The following ZNHIT3 variants were observed in gnomAD, a reference collection of about 807,000 sequenced individuals.
ZNHIT3 encodes the protein zinc finger HIT-type containing 3.
A neutral mutation model predicts 19.9 loss-of-function variants in ZNHIT3; 27 were observed. That is an observed-to-expected ratio of 1.36 (90% CI 1.00 to 1.87). The LOEUF (loss-of-function observed/expected upper bound fraction) is 1.87, where lower values mean the gene tolerates loss of function less well. Among genes scored for constraint, ZNHIT3 ranks in the 40% most tolerant of loss-of-function variants. The pLI is 0.00. For synonymous variants in ZNHIT3, 81 were observed against 65.7 expected (o/e 1.23, Z -1.13); for missense variants, 215 against 185.6 (o/e 1.16, Z -0.92).
intron 3 of ZNHIT3, 53 bp downstream of exon 3, chr17:36,492,952 C>CGAAAG (rs3830269): frequency 0.14 from 218,375 of 1,552,730 alleles, 18,398 homozygotes; most frequent in African/African-American, 0.33. Flanking sequence ...TAGAATAAGT[C>CGAAAG]GAAGGAAAAG....
downstream of ZNHIT3, chr17:36,497,485 C>CTA (rs1320188524): frequency 1.3e-5 from 12 of 959,502 alleles, no homozygotes; most frequent in African/African-American, 1.8e-5. Flanking sequence ...TGATGTGGGA[C>CTA]TAATTAGATT....
In ZNHIT3 at chr17:36,486,714, ATGTAGC is replaced by A; in HGVS notation, c.16_21del (p.Cys6_Ser7del). 6.2e-7 allele frequency: 1 copy of A among 1,613,848 alleles called. No homozygotes were observed. Among genetic ancestry groups the A allele is most frequent in the Non-Finnish European group, 8.5e-7 (1 of 1,179,910 alleles). On this transcript the variant is annotated inframe_deletion, in exon 1 of 5. Transcript: ENST00000617429. The stretch of plus-strand genomic sequence containing the variant: ...TCCACAAAACCATGGCGTCGCTCAA[ATGTAGC>A]ACCGTCGTCTGCGTGATCTGCTTGG...
intron 2 of ZNHIT3, 94 bp downstream of exon 2, chr17:36,487,060 C>T (rs2070579781): frequency 1.3e-6 from 2 of 1,518,948 alleles, no homozygotes; most frequent in Non-Finnish European, 1.8e-6. Context: ...TTGGGCTGCG[C>T]TTCCTTTCCC....
At chr17:36,496,483 G>T, downstream of ZNHIT3, 3 of 1,414,818 alleles carry the variant, frequency 2.1e-6, no homozygotes, top group Non-Finnish European at 2.9e-6. Context: ...CAGAGCAGAC[G>T]CTAAAAATGC....
At chr17:36,490,689 A>G (rs924915112) in intron 2 of ZNHIT3, 13 of 152,186 alleles carry the variant, frequency 8.5e-5, no homozygotes, top group African/African-American at 2.9e-4. Flanking sequence ...GGTCATTTTA[A>G]TATTTATTTT....
chr17:36,499,153 A>G (rs768676346), downstream of ZNHIT3: 49 of 1,604,348 alleles, frequency 3.1e-5, no homozygotes, highest in Non-Finnish European at 4.1e-5. Flanking sequence ...TTAACCAGGA[A>G]CGAATGGCTA....
In ZNHIT3 at chr17:36,486,981, C is replaced by T; in HGVS notation, c.118+15C>T. On this transcript the variant is annotated intron_variant, in intron 2 of 4. Coordinates refer to ENST00000617429, the MANE Select transcript of ZNHIT3 (RefSeq NM_004773.4). ...GAAGCACAAAGGTGAGCCCCGTCCCCGCCAGCCCTCGTACCACTGCGCACG... is the reference window on the plus strand; with the variant it reads ...GAAGCACAAAGGTGAGCCCCGTCCCTGCCAGCCCTCGTACCACTGCGCACG... The T allele has an allele frequency of 6.2e-7, 1 of 1,610,834 alleles. No homozygotes were observed. Among genetic ancestry groups the T allele is most frequent in the African/African-American group, 1.3e-5 (1 of 74,776 alleles).
At chr17:36,494,030 A>G (rs765275706) in intron 4 of ZNHIT3, 24 bp downstream of exon 4, 32 of 1,538,056 alleles carry the variant, frequency 2.1e-5, no homozygotes, top group East Asian at 1.1e-4. Flanking sequence ...ATGCTTGTCA[A>G]TCGTTGAGAT....
At chr17:36,498,265 C>T (rs778224764), downstream of ZNHIT3, 3 of 1,609,672 alleles carry the variant, frequency 1.9e-6, no homozygotes, top group South Asian at 3.3e-5. Context: ...ACACAACGTA[C>T]CTGAGGCAGC....
rs774347647 is a variant in ZNHIT3 at position 36,494,004 on chromosome 17, T to C, written c.284T>C (p.Leu95Ser). 2.5e-6 allele frequency: 4 copies of C among 1,609,356 alleles called. No individual in the cohort carries two copies. The highest frequency in any genetic ancestry group is 3.4e-6 in the Non-Finnish European group (4 of 1,175,834). Reference protein sequence around the residue: ...DRVSLQNLKNLGESATLRSLL... With the variant: ...DRVSLQNLKNSGESATLRSLL... ...GTTTCTTTGCAGAATTTAAAGAATT[T>C]AGGTAAGTCTGTGCTATGCTTGTCA... The change falls in exon 4 of 5, where the codon TTA becomes TCA. Residue 95 changes from leucine (L) to serine (S), a missense_variant and splice_region_variant. Physicochemically the swap from Leu to Ser is moderately radical, Grantham distance 145 (BLOSUM62 -2). Coordinates refer to ENST00000617429, the MANE Select transcript of ZNHIT3 (RefSeq NM_004773.4).
chr17:36,489,887 TG>T (rs919451483), intron 2 of ZNHIT3: 9 of 152,092 alleles, frequency 5.9e-5, no homozygotes, highest in Admixed American at 4.6e-4. Context: ...CCCAAAGGGC[TG>T]GGATTACAGG....
In ZNHIT3 at chr17:36,495,431, G is replaced by A; in HGVS notation, c.*27G>A. The A allele has an allele frequency of 6.4e-7, 1 of 1,552,766 alleles. No homozygotes were observed. The highest frequency in any genetic ancestry group is 1.2e-5 in the South Asian group (1 of 80,924). ...ATGGATTATTGTGCTGCTTGCTCAA[G>A]CGTGTGCTTGACTCCTGGAACCTGC... On this transcript the variant is annotated 3_prime_UTR_variant, in exon 5 of 5. Transcript: ENST00000617429.
At chr17:36,495,118 C>T in intron 4 of ZNHIT3, 105 bp from the exon 5 acceptor site, 1 of 1,400,528 alleles carries the variant, frequency 7.1e-7, no homozygotes. Flanking sequence ...AGCCACCACA[C>T]CTTGCTGATA....
chr17:36,495,291 C>G lies in ZNHIT3; in HGVS notation c.355C>G (p.Gln119Glu). ...HLRQLMVNLD[Q>E]GEDKAKLMRA... ...CAGGCAGTTGATGGTCAACCTCGAT[C>G]AGGGAGAAGACAAAGCAAAGCTCAT... The change falls in exon 5 of 5, where the codon CAG becomes GAG. Residue 119 changes from glutamine to glutamate, a missense_variant. Transcript: ENST00000617429. 1.2e-6 allele frequency: 2 copies of G among 1,613,646 alleles called. No homozygotes were observed. The highest frequency in any genetic ancestry group is 1.7e-6 in the Non-Finnish European group (2 of 1,179,926).
At chr17:36,492,720 C>A in intron 2 of ZNHIT3, 93 bp from the exon 3 acceptor site, 1 of 1,124,472 alleles carries the variant, frequency 8.9e-7, no homozygotes, top group Non-Finnish European at 1.3e-6. Flanking sequence ...ACCCCAGACA[C>A]TTGCTTCCTA....
chr17:36,487,924 C>A (rs959118218), intron 2 of ZNHIT3, among the ~76,000 whole-genome samples: 14 of 149,344 alleles, frequency 9.4e-5, no homozygotes, highest in African/African-American at 2.7e-4. Context: ...GGCAACATAG[C>A]GAAACCCCGT....
intron 2 of ZNHIT3, 27 bp from the exon 3 acceptor site, chr17:36,492,786 T>C (rs1283244510): frequency 5.6e-6 from 9 of 1,607,818 alleles, no homozygotes; most frequent in East Asian, 2.2e-5. Flanking sequence ...GGAGGTAATG[T>C]GGGCCTGGGA....
chr17:36,493,856 G>C, intron 3 of ZNHIT3, 70 bp from the exon 4 acceptor site: 1 of 1,043,202 alleles, frequency 9.6e-7, no homozygotes, highest in Non-Finnish European at 1.5e-6. Flanking sequence ...TCCTGTTCAA[G>C]TAGTGGTTAA....
At chr17:36,496,095 C>G (rs2070940364), downstream of ZNHIT3, 2 of 1,044,138 alleles carry the variant, frequency 1.9e-6, no homozygotes, top group Non-Finnish European at 1.4e-6. Context: ...CACTGACGCA[C>G]TGGGCACGGG....
Sources: allele counts gnomAD v4.1 joint callset (sites outside exome capture counted in the v4.1 genomes callset), GRCh38; gene constraint gnomAD v4.1.1; transcripts MANE v1.5; gene names NCBI Gene and HGNC (gene_info 2026-07-23, HGNC 2026-07-21).